GRIN2A: variants seen among roughly 807,000 people sequenced by gnomAD.
GRIN2A encodes the protein glutamate ionotropic receptor NMDA type subunit 2A.
Under a neutral mutation model 113.4 loss-of-function variants are expected in GRIN2A, and 22 were observed. The ratio of observed to expected loss-of-function variants is 0.19; its 90% CI spans 0.14 to 0.28. GRIN2A has a LOEUF of 0.28. Among genes scored for constraint, GRIN2A ranks in the 10% least tolerant of loss-of-function variants. GRIN2A has a pLI of 1.00. For synonymous variants in GRIN2A, 827 were observed against 738.4 expected, an observed-to-expected ratio of 1.12 and a Z score of -1.94; for missense variants, 1,502 against 1,887.0, an observed-to-expected ratio of 0.80 and a Z score of 3.78.
At chr16:9,882,863 T>C (rs983153101) in intron 4 of GRIN2A, among the ~76,000 whole-genome samples, 14 of 152,172 alleles carry the variant, frequency 9.2e-5, no homozygotes, top group Non-Finnish European at 1.9e-4. Context: ...TGGTTTCAGG[T>C]AGAATCAATT....
At chr16:9,918,042 T>A (rs2044285302) in intron 3 of GRIN2A, among the ~76,000 whole-genome samples, 1 of 152,210 alleles carries the variant, frequency 6.6e-6, no homozygotes, top group African/African-American at 2.4e-5. Context: ...ATAGATCACT[T>A]ACTGTGGGCC....
At chr16:9,814,306 A>G (rs1316120836) in intron 10 of GRIN2A, among the ~76,000 whole-genome samples, 1 of 152,218 alleles carries the variant, frequency 6.6e-6, no homozygotes, top group Non-Finnish European at 1.5e-5. Flanking sequence ...TAATTCTGCA[A>G]TGTAGTTACT....
intron 4 of GRIN2A, among the ~76,000 whole-genome samples, chr16:9,859,777 A>C (rs1175796907): frequency 1.3e-5 from 2 of 151,884 alleles, no homozygotes; most frequent in Admixed American, 6.6e-5. Context: ...CCCTACTGAA[A>C]TCCTACCCAC....
At chr16:10,018,875 C>A (rs2046660899) in intron 2 of GRIN2A, among the ~76,000 whole-genome samples, 1 of 152,210 alleles carries the variant, frequency 6.6e-6, no homozygotes, top group Non-Finnish European at 1.5e-5. Context: ...AGAGTTACAG[C>A]TCCACCTTCC....
chr16:9,901,401 C>T (rs2043921436), intron 3 of GRIN2A, among the ~76,000 whole-genome samples: 1 of 152,140 alleles, frequency 6.6e-6, no homozygotes. Context: ...ACATTCCTAA[C>T]TCCACTTACA....
At chr16:10,059,785 G>C (rs984716328) in intron 2 of GRIN2A, among the ~76,000 whole-genome samples, 1 of 151,140 alleles carries the variant, frequency 6.6e-6, no homozygotes, top group East Asian at 1.9e-4. Flanking sequence ...TAAGTGAAGA[G>C]AATGTTTGGG....
intron 2 of GRIN2A, among the ~76,000 whole-genome samples, chr16:9,960,756 C>A (rs1310977497): frequency 6.6e-6 from 1 of 152,180 alleles, no homozygotes; most frequent in Non-Finnish European, 1.5e-5. Flanking sequence ...TCCCAAGTAG[C>A]AGGGACTACA....
At chr16:9,942,266 G>A (rs2044899295) in intron 2 of GRIN2A, among the ~76,000 whole-genome samples, 1 of 152,078 alleles carries the variant, frequency 6.6e-6, no homozygotes, top group African/African-American at 2.4e-5. Flanking sequence ...ACCATGTTAA[G>A]TTCAGACTCC....
chr16:9,801,759 G>A (rs997969344), intron 10 of GRIN2A, among the ~76,000 whole-genome samples: 1 of 152,218 alleles, frequency 6.6e-6, no homozygotes, highest in Non-Finnish European at 1.5e-5. Context: ...ACTGGGGTGG[G>A]CTGGTGGTCA....
At chr16:9,921,024 G>T (rs1051587053) in intron 3 of GRIN2A, among the ~76,000 whole-genome samples, 1 of 152,084 alleles carries the variant, frequency 6.6e-6, no homozygotes, top group Non-Finnish European at 1.5e-5. Context: ...TGTCTCAAGG[G>T]ACTCATTCCA....
chr16:9,798,571 G>T (rs1317290893), intron 10 of GRIN2A, 107 bp from the exon 11 acceptor site: 3 of 790,820 alleles, frequency 3.8e-6, no homozygotes, highest in Non-Finnish European at 2.1e-6. Context: ...TTTCATGCTG[G>T]TGATGATGAC....
intron 4 of GRIN2A, among the ~76,000 whole-genome samples, chr16:9,884,275 G>A (rs766014510): frequency 3.3e-5 from 5 of 152,288 alleles, no homozygotes; most frequent in East Asian, 1.9e-4. Context: ...AAGGCCAGGC[G>A]CAGTGGCTCA....
intron 2 of GRIN2A, among the ~76,000 whole-genome samples, chr16:10,031,092 A>T (rs564460136): frequency 6.6e-6 from 1 of 152,320 alleles, no homozygotes; most frequent in South Asian, 2.1e-4. Flanking sequence ...CCTACGCTGG[A>T]ATCGCACTTA....
intron 2 of GRIN2A, among the ~76,000 whole-genome samples, chr16:10,025,172 CTG>C (rs2046796474): frequency 6.6e-6 from 1 of 151,922 alleles, no homozygotes; most frequent in South Asian, 2.1e-4. Flanking sequence ...GCTAAGAAGA[CTG>C]GAGATTACTA....
chr16:9,800,745 G>T (rs911961256), intron 10 of GRIN2A, among the ~76,000 whole-genome samples: 3 of 152,112 alleles, frequency 2.0e-5, no homozygotes, highest in African/African-American at 7.2e-5. Flanking sequence ...AGATCAAGCA[G>T]CAGCAGAAGA....
At chr16:10,057,334 C>T (rs182269196) in intron 2 of GRIN2A, among the ~76,000 whole-genome samples, 2 of 152,128 alleles carry the variant, frequency 1.3e-5, no homozygotes, top group African/African-American at 2.4e-5. Context: ...AGGTAAGTTC[C>T]CTAGGTATTC....
chr16:9,754,017 ATAT>A lies in GRIN2A; in HGVS notation c.*9129_*9131del, dbSNP rs2141106135. ...CAGCTTGTGTATTATGCAACAAGTC[ATAT>A]TATTAATACGTGAGTGAAAAATGAA... is the stretch of plus-strand genomic sequence containing the variant. On this transcript the variant is annotated 3_prime_UTR_variant, in exon 13 of 13. Transcript: ENST00000330684. 1 of 181,912 alleles carries A rather than the reference ATAT, an allele frequency of 5.5e-6. No individual in the cohort carries two copies. The highest frequency in any genetic ancestry group is 2.0e-4 in the South Asian group (1 of 5,072). 11.3% of individuals were successfully genotyped at this position (181,912 alleles called of 1,614,324 possible).
chr16:9,852,943 C>T (rs1037355907), intron 4 of GRIN2A, among the ~76,000 whole-genome samples: 1 of 152,160 alleles, frequency 6.6e-6, no homozygotes, highest in Non-Finnish European at 1.5e-5. Flanking sequence ...TGTTTGCTTG[C>T]ATGAAATTTT....
intron 2 of GRIN2A, among the ~76,000 whole-genome samples, chr16:10,093,173 G>A (rs1370882464): frequency 6.6e-6 from 1 of 152,172 alleles, no homozygotes; most frequent in Non-Finnish European, 1.5e-5. Flanking sequence ...AAGAGCAAGT[G>A]GGGCTCAGAG....
Sources: allele counts gnomAD v4.1 joint callset (sites outside exome capture counted in the v4.1 genomes callset), GRCh38; gene constraint gnomAD v4.1.1; transcripts MANE v1.5; gene names NCBI Gene and HGNC (gene_info 2026-07-23, HGNC 2026-07-21).